PCSK5: variants seen among roughly 807,000 people sequenced by gnomAD.
PCSK5 encodes the protein proprotein convertase subtilisin/kexin type 5.
PCSK5 carries 129 observed loss-of-function variants against 233.2 expected under a neutral mutation model. The observed-to-expected ratio is 0.55, with a 90% confidence interval of 0.48 to 0.64. The LOEUF (loss-of-function observed/expected upper bound fraction) is 0.64, where lower values mean the gene tolerates loss of function less well. PCSK5 is among the 30% of genes least tolerant of loss of function. PCSK5 has a pLI of 0.00. For missense variants in PCSK5, 2,076 were observed against 2,430.1 expected (o/e 0.85, Z 3.06); for synonymous variants, 825 against 879.2 (o/e 0.94, Z 1.09).
intron 33 of PCSK5, among the ~76,000 whole-genome samples, chr9:76,331,388 C>T (rs2131480825): frequency 6.6e-6 from 1 of 151,792 alleles, no homozygotes. Context: ...CGGGGGTGGG[C>T]CAGGCATGGT....
intron 3 of PCSK5, among the ~76,000 whole-genome samples, chr9:76,007,794 TTTTGTGTGTGTG>T (rs1440713286): frequency 3.9e-4 from 25 of 64,000 alleles, no homozygotes; most frequent in African/African-American, 1.5e-3. Context: ...GCCCGGCTAA[TTTTGTGTGTGTG>T]TGTGTGTGTG....
At chr9:76,238,059 T>A (rs1195421237) in intron 22 of PCSK5, among the ~76,000 whole-genome samples, 1 of 152,088 alleles carries the variant, frequency 6.6e-6, no homozygotes, top group African/African-American at 2.4e-5. Flanking sequence ...TTATTCTGAG[T>A]AACACAGATC....
chr9:76,009,604 C>A (rs181513953), intron 3 of PCSK5, among the ~76,000 whole-genome samples: 4 of 147,344 alleles, frequency 2.7e-5, no homozygotes, highest in Admixed American at 6.8e-5. Context: ...TCCAGCCTGG[C>A]GACAGAGCGA....
chr9:76,207,351 G>A (rs927643393), intron 20 of PCSK5, among the ~76,000 whole-genome samples: 2 of 152,170 alleles, frequency 1.3e-5, no homozygotes, highest in African/African-American at 2.4e-5. Flanking sequence ...TTACTTCAGT[G>A]AAGTGGAAAT....
At chr9:76,043,328 T>TC (rs1481659107) in intron 5 of PCSK5, among the ~76,000 whole-genome samples, 1 of 101,314 alleles carries the variant, frequency 9.9e-6, no homozygotes, top group Non-Finnish European at 1.8e-5. Flanking sequence ...AGAGCGAGAC[T>TC]CCATCTCAAA....
intron 37 of PCSK5, among the ~76,000 whole-genome samples, chr9:76,357,812 G>A (rs1450001572): frequency 6.6e-6 from 1 of 152,158 alleles, no homozygotes. Flanking sequence ...ATTGGCCTAA[G>A]TAATTTCTAA....
intron 1 of PCSK5, among the ~76,000 whole-genome samples, chr9:75,926,012 G>A (rs1823470727): frequency 6.6e-6 from 1 of 152,184 alleles, no homozygotes; most frequent in Admixed American, 6.5e-5. Flanking sequence ...AAGAACAATG[G>A]TCTTGATGAC....
intron 2 of PCSK5, among the ~76,000 whole-genome samples, chr9:75,943,176 T>C (rs1294369920): frequency 6.6e-6 from 1 of 152,144 alleles, no homozygotes; most frequent in Non-Finnish European, 1.5e-5. Flanking sequence ...TGAGCCACCA[T>C]GCCCGGCCTA....
intron 17 of PCSK5, among the ~76,000 whole-genome samples, chr9:76,186,372 TTTAGAC>T (rs56837511): frequency 0.098 from 14,902 of 152,198 alleles, 924 homozygotes; most frequent in Admixed American, 0.16. Flanking sequence ...ATTTTTCACA[TTTAGAC>T]TTAAATTAGT....
intron 5 of PCSK5, among the ~76,000 whole-genome samples, chr9:76,028,402 G>T (rs760365685): frequency 6.6e-6 from 1 of 152,180 alleles, no homozygotes; most frequent in Admixed American, 6.5e-5. Context: ...GACATATGGA[G>T]ATCAGAGTTT....
chr9:76,226,065 A>G (rs1161057044), intron 20 of PCSK5, among the ~76,000 whole-genome samples: 1 of 152,148 alleles, frequency 6.6e-6, no homozygotes, highest in Non-Finnish European at 1.5e-5. Flanking sequence ...CATTCTAAAA[A>G]TTGTATATAA....
Position 76,299,164 on chromosome 9 carries a change from C to T in PCSK5, c.3523+2299C>T, listed in dbSNP as rs191665051. On this transcript the variant is annotated intron_variant, in intron 27 of 37. Transcript: ENST00000674117. ...GCCAACAAAGTGGGAATACCTCCTA[C>T]CTAGTCTAAGGATGCAGATTCCTCC... is the stretch of plus-strand genomic sequence containing the variant. Among the ~76,000 whole-genome samples the T allele has an allele frequency of 2.2e-4, 33 of 152,298 alleles. No homozygotes were observed. In the East Asian group the frequency reaches 5.2e-3, roughly 24 times the overall value.
At chr9:76,287,982 A>G (rs1828140011) in intron 24 of PCSK5, 1 of 144,950 alleles carries the variant, frequency 6.9e-6, no homozygotes, top group South Asian at 2.1e-4. Context: ...TCATTCAGAT[A>G]TAATGGGTTT....
At chr9:76,313,694 A>G (rs1350332381) in intron 30 of PCSK5, among the ~76,000 whole-genome samples, 1 of 152,178 alleles carries the variant, frequency 6.6e-6, no homozygotes, top group Non-Finnish European at 1.5e-5. Context: ...CACATAAAAC[A>G]AAAAAGACAA....
At chr9:76,002,145 A>G (rs1271898811) in intron 3 of PCSK5, among the ~76,000 whole-genome samples, 1 of 152,188 alleles carries the variant, frequency 6.6e-6, no homozygotes, top group Non-Finnish European at 1.5e-5. Flanking sequence ...TGCTAGAGAT[A>G]ACAAGTATGA....
chr9:76,206,228 C>G (rs1198029065), intron 20 of PCSK5, among the ~76,000 whole-genome samples: 1 of 152,242 alleles, frequency 6.6e-6, no homozygotes, highest in African/African-American at 2.4e-5. Context: ...ACCACCAACA[C>G]TGGTGTTAAC....
chr9:76,356,041 T>C (rs1323766975), intron 37 of PCSK5, among the ~76,000 whole-genome samples: 2 of 152,276 alleles, frequency 1.3e-5, no homozygotes, highest in East Asian at 3.9e-4. Context: ...GTATCATCTT[T>C]CCAAAAACGT....
At chr9:75,924,020 A>G (rs1823367143) in intron 1 of PCSK5, among the ~76,000 whole-genome samples, 1 of 152,064 alleles carries the variant, frequency 6.6e-6, no homozygotes, top group African/African-American at 2.4e-5. Context: ...ATTAAACCCC[A>G]TTTCAAGATC....
At chr9:76,195,942 G>A (rs1824678869) in intron 20 of PCSK5, 1 of 152,158 alleles carries the variant, frequency 6.6e-6, no homozygotes, top group Non-Finnish European at 1.5e-5. Context: ...AAGGTCATGA[G>A]AAACTTCCCT....
Sources: gnomAD v4.1 joint callset for allele counts (sites outside exome capture counted in the v4.1 genomes callset) on GRCh38, gnomAD v4.1.1 for gene constraint, MANE v1.5 for transcripts, NCBI Gene and HGNC (gene_info 2026-07-23, HGNC 2026-07-21) for gene names.